PDSS2: variants seen among roughly 807,000 people sequenced by gnomAD.
PDSS2 encodes decaprenyl diphosphate synthase subunit 2, also known as all trans-polyprenyl-diphosphate synthase PDSS2.
A neutral mutation model predicts 44.5 loss-of-function variants in PDSS2; 31 were observed. The observed-to-expected ratio is 0.70, with a 90% CI of 0.52 to 0.94. PDSS2 has a LOEUF of 0.94. PDSS2 is among the 40% of genes least tolerant of loss of function. PDSS2 has a pLI of 0.00. For missense variants in PDSS2, 452 were observed against 482.2 expected (o/e 0.94, Z 0.59); for synonymous variants, 157 against 180.3 (o/e 0.87, Z 1.03).
At chr6:107,216,288 C>G (rs544019109) in intron 4 of PDSS2, among the ~76,000 whole-genome samples, 103 of 152,114 alleles carry the variant, frequency 6.8e-4, no homozygotes, top group Non-Finnish European at 7.4e-5. Flanking sequence ...GCCTGACCAA[C>G]ATGGTGAAAC....
At chr6:107,347,628 T>A (rs562702046) in intron 1 of PDSS2, among the ~76,000 whole-genome samples, 11 of 152,170 alleles carry the variant, frequency 7.2e-5, no homozygotes, top group African/African-American at 2.7e-4. Context: ...CTGAACACCA[T>A]GGGTTCTTTC....
At chr6:107,161,827 G>A (rs1202677009) in intron 7 of PDSS2, among the ~76,000 whole-genome samples, 6 of 152,164 alleles carry the variant, frequency 3.9e-5, no homozygotes, top group East Asian at 3.8e-4. Context: ...TTCAACAATC[G>A]CAACAATTGT....
chr6:107,438,613 C>T (rs1425672018), intron 1 of PDSS2, among the ~76,000 whole-genome samples: 3 of 152,134 alleles, frequency 2.0e-5, no homozygotes, highest in African/African-American at 4.8e-5. Context: ...CACCCAAATT[C>T]GAGACCCACG....
At chr6:107,271,397 C>T (rs1190315520) in intron 3 of PDSS2, among the ~76,000 whole-genome samples, 1 of 152,166 alleles carries the variant, frequency 6.6e-6, no homozygotes, top group Non-Finnish European at 1.5e-5. Context: ...CAAGTGTGCT[C>T]ATTCTACACT....
intron 1 of PDSS2, among the ~76,000 whole-genome samples, chr6:107,442,970 A>G (rs1033287628): frequency 6.6e-6 from 1 of 152,176 alleles, no homozygotes; most frequent in Non-Finnish European, 1.5e-5. Flanking sequence ...ATTTGGAAAC[A>G]CTTTTATCCT....
chr6:107,254,116 C>A (rs999411345), intron 3 of PDSS2, among the ~76,000 whole-genome samples: 3 of 150,782 alleles, frequency 2.0e-5, no homozygotes, highest in Admixed American at 1.3e-4. Flanking sequence ...TCACTGCAAC[C>A]TCTGCCTCCC....
intron 7 of PDSS2, 68 bp from the exon 8 acceptor site, chr6:107,154,845 G>C: frequency 1.5e-6 from 2 of 1,357,046 alleles, no homozygotes; most frequent in East Asian, 2.3e-5. Flanking sequence ...CAATTAAATT[G>C]GGGAGGGGAG....
intron 6 of PDSS2, among the ~76,000 whole-genome samples, chr6:107,207,056 G>A (rs138231341): frequency 6.7e-4 from 102 of 151,124 alleles, no homozygotes; most frequent in African/African-American, 2.3e-3. Context: ...GCAGTGGCGC[G>A]ATCTCAGCTG....
intron 2 of PDSS2, among the ~76,000 whole-genome samples, chr6:107,318,341 TGCTA>T (rs1777268375): frequency 6.6e-6 from 1 of 152,142 alleles, no homozygotes; most frequent in Non-Finnish European, 1.5e-5. Flanking sequence ...CGGAGAGCAG[TGCTA>T]GGCACCCATC....
chr6:107,392,673 T>C (rs1036452765), intron 1 of PDSS2, among the ~76,000 whole-genome samples: 1 of 152,130 alleles, frequency 6.6e-6, no homozygotes, highest in Non-Finnish European at 1.5e-5. Flanking sequence ...GGTAGGTAAT[T>C]TCCTCCTCTT....
chr6:107,166,073 G>A (rs1320089654), intron 7 of PDSS2, among the ~76,000 whole-genome samples: 5 of 152,020 alleles, frequency 3.3e-5, no homozygotes, highest in Non-Finnish European at 5.9e-5. Flanking sequence ...GGGCTGAGAC[G>A]ATGGGGTTTT....
chr6:107,396,678 C>CTTTCT (rs1382187450), intron 1 of PDSS2, among the ~76,000 whole-genome samples: 2 of 79,330 alleles, frequency 2.5e-5, no homozygotes, highest in African/African-American at 4.4e-5. Context: ...CTTCTTTTTT[C>CTTTCT]TTTTTTTTTT....
At chr6:107,291,094 T>G (rs755690213) in intron 2 of PDSS2, among the ~76,000 whole-genome samples, 1 of 152,118 alleles carries the variant, frequency 6.6e-6, no homozygotes, top group Non-Finnish European at 1.5e-5. Context: ...GAATCTTTCG[T>G]GATGATAACC....
intron 2 of PDSS2, among the ~76,000 whole-genome samples, chr6:107,315,523 C>T (rs1480603157): frequency 6.6e-6 from 1 of 152,128 alleles, no homozygotes; most frequent in Non-Finnish European, 1.5e-5. Context: ...GGATCCTTTC[C>T]TTTCATTTAA....
intron 1 of PDSS2, among the ~76,000 whole-genome samples, chr6:107,403,936 C>T (rs1780226725): frequency 6.6e-6 from 1 of 152,238 alleles, no homozygotes; most frequent in South Asian, 2.1e-4. Flanking sequence ...CTTCTCATTA[C>T]TTATCCAAAT....
intron 1 of PDSS2, among the ~76,000 whole-genome samples, chr6:107,394,169 TC>T (rs1422178144): frequency 6.6e-6 from 1 of 152,208 alleles, no homozygotes; most frequent in Non-Finnish European, 1.5e-5. Context: ...TTCCATTTTA[TC>T]TTCTCTATTT....
chr6:107,294,568 A>G (rs1312190367), intron 2 of PDSS2, among the ~76,000 whole-genome samples: 1 of 152,124 alleles, frequency 6.6e-6, no homozygotes, highest in East Asian at 1.9e-4. Context: ...TGTTTAAACC[A>G]TAGACAATAG....
At chr6:107,181,242 G>T (rs1771963778) in intron 7 of PDSS2, among the ~76,000 whole-genome samples, 1 of 152,176 alleles carries the variant, frequency 6.6e-6, no homozygotes, top group African/African-American at 2.4e-5. Context: ...ATTAGTATCA[G>T]TAGTACTTGG....
chr6:107,218,501 C>A (rs138153034), intron 4 of PDSS2, among the ~76,000 whole-genome samples: 10 of 152,180 alleles, frequency 6.6e-5, no homozygotes, highest in Non-Finnish European at 1.5e-4. Context: ...CCTTACCTTG[C>A]GTTAAACCTT....
Sources: allele counts gnomAD v4.1 joint callset (sites outside exome capture counted in the v4.1 genomes callset), GRCh38; gene constraint gnomAD v4.1.1; transcripts MANE v1.5; gene names NCBI Gene and HGNC (gene_info 2026-07-23, HGNC 2026-07-21).